Variants in MCF2L2 observed in about 807,000 individuals in gnomAD.
The protein encoded by MCF2L2 is probable guanine nucleotide exchange factor MCF2L2.
A neutral mutation model predicts 150.2 loss-of-function variants in MCF2L2; 102 were observed. The ratio of observed to expected loss-of-function variants is 0.68; its 90% CI spans 0.58 to 0.80. The LOEUF is 0.80. Among genes scored for constraint, MCF2L2 ranks in the 30% least tolerant of loss-of-function variants. The pLI, the probability that MCF2L2 is intolerant of heterozygous loss-of-function variation, is 0.00. For missense variants in MCF2L2, 1,256 were observed against 1,372.8 expected (o/e 0.91, Z 1.34); for synonymous variants, 465 against 491.3 (o/e 0.95, Z 0.71).
intron 2 of MCF2L2, among the ~76,000 whole-genome samples, chr3:183,386,316 T>A (rs1713827619): frequency 6.6e-6 from 1 of 152,230 alleles, no homozygotes; most frequent in Admixed American, 6.5e-5. Context: ...AAGTTCACTG[T>A]GAACATGCAG....
chr3:183,297,344 G>C, intron 11 of MCF2L2, 177 bp from the exon 12 acceptor site: 1 of 586,342 alleles, frequency 1.7e-6, no homozygotes. Flanking sequence ...CTATGAGGGG[G>C]ACAAACCCAA....
At chr3:183,320,639 G>C (rs773131546) in intron 6 of MCF2L2, among the ~76,000 whole-genome samples, 3 of 152,180 alleles carry the variant, frequency 2.0e-5, no homozygotes, top group Admixed American at 6.5e-5. Flanking sequence ...TGGGTGGTTT[G>C]ATCTTCTATC....
intron 22 of MCF2L2, among the ~76,000 whole-genome samples, chr3:183,212,253 T>A (rs1187571446): frequency 6.6e-6 from 1 of 152,166 alleles, no homozygotes; most frequent in Non-Finnish European, 1.5e-5. Context: ...GGGAATAAAT[T>A]TCTGTTGTTT....
chr3:183,358,916 C>G (rs1260089082), intron 3 of MCF2L2, among the ~76,000 whole-genome samples: 2 of 152,006 alleles, frequency 1.3e-5, no homozygotes, highest in Non-Finnish European at 2.9e-5. Context: ...TACTACCATG[C>G]CTGGCCCAGA....
chr3:183,185,638 C>T (rs1721667064), intron 27 of MCF2L2, among the ~76,000 whole-genome samples: 2 of 152,186 alleles, frequency 1.3e-5, no homozygotes, highest in Admixed American at 1.3e-4. Context: ...GGATTTAATA[C>T]ATGGTGTCAC....
intron 3 of MCF2L2, 121 bp from the exon 4 acceptor site, chr3:183,341,751 G>T: frequency 1.5e-6 from 1 of 664,070 alleles, no homozygotes; most frequent in Non-Finnish European, 2.7e-6. Context: ...TAAACACCCT[G>T]CACAGCACAA....
At chr3:183,348,084 A>C (rs1045414113) in intron 3 of MCF2L2, among the ~76,000 whole-genome samples, 1 of 152,316 alleles carries the variant, frequency 6.6e-6, no homozygotes, top group East Asian at 1.9e-4. Context: ...TCATTCTACT[A>C]TAAAGACACA....
At chr3:183,220,155 A>C (rs992084793) in intron 20 of MCF2L2, among the ~76,000 whole-genome samples, 3 of 152,228 alleles carry the variant, frequency 2.0e-5, no homozygotes, top group Non-Finnish European at 2.9e-5. Context: ...TTCTCATTCA[A>C]CCATACCTCA....
In MCF2L2 at chr3:183,323,258, C is replaced by A. The variant is rs995431665; in HGVS notation, c.580G>T (p.Gly194Cys). The A allele has an allele frequency of 1.9e-6, 3 of 1,612,608 alleles. No homozygotes were observed. Among genetic ancestry groups the A allele is most frequent in the South Asian group, 2.2e-5 (2 of 90,988 alleles). The change falls in exon 6 of 30, where the codon GGT becomes TGT. Residue 194 changes from glycine to cysteine, a missense_variant. By Grantham distance (159) the Gly-to-Cys change is radical. Coordinates refer to ENST00000328913, the MANE Select transcript of MCF2L2 (RefSeq NM_015078.4). ...ELGGTLEYRH[G>C]QWVNHRTAIE... ...ACAGTGCGGTGATTTACCCACTGAC[C>A]GTGGCGATATTCCAAAGTCCCCCCT...
At position 183,311,033 on chromosome 3, in the gene MCF2L2, T is replaced by G; in HGVS notation, c.879-4A>C. The G allele has an allele frequency of 6.4e-7, 1 of 1,574,152 alleles. No homozygotes were observed. Among genetic ancestry groups the G allele is most frequent in the South Asian group, 1.1e-5 (1 of 90,214 alleles). On this transcript the variant is annotated splice_region_variant and splice_polypyrimidine_tract_variant and intron_variant, in intron 8 of 29. Transcript: ENST00000328913. Reference sequence around the variant, plus strand: ...TTCATCCAGTTGAACTAATAACCTTTCAAGAAAGAATGAGAAAGTGATGTT... The same window carrying G: ...TTCATCCAGTTGAACTAATAACCTTGCAAGAAAGAATGAGAAAGTGATGTT...
chr3:183,180,389 G>C (rs1442075261), intron 27 of MCF2L2: 7 of 468,942 alleles, frequency 1.5e-5, no homozygotes, highest in Non-Finnish European at 2.6e-5. Context: ...TCCACATGCT[G>C]TTCATGGCCC....
Position 183,246,172 on chromosome 3 carries a change from G to A in MCF2L2, c.1863-15155C>T, listed in dbSNP as rs1315499085. ...TGTATGGCATTTTAGGTATTATAAA[G>A]TTTTTTTTAATTGTGGTAAGATATG... On this transcript the variant is annotated intron_variant, in intron 15 of 29. Transcript: ENST00000328913. Among the ~76,000 whole-genome samples, 3 of 151,962 alleles carry A rather than the reference G, an allele frequency of 2.0e-5. No homozygotes were observed. The East Asian group carries it at 5.8e-4, about 29-fold the overall frequency.
intron 1 of MCF2L2, among the ~76,000 whole-genome samples, chr3:183,391,584 T>G (rs1396176555): frequency 6.6e-6 from 1 of 152,140 alleles, no homozygotes; most frequent in African/African-American, 2.4e-5. Flanking sequence ...ACTCCAGCAC[T>G]CCCCTTCACT....
chr3:183,264,661 A>G (rs1725928460), intron 15 of MCF2L2, among the ~76,000 whole-genome samples: 1 of 152,202 alleles, frequency 6.6e-6, no homozygotes, highest in South Asian at 2.1e-4. Flanking sequence ...TTCAAAACGG[A>G]TAGCAGGTTT....
intron 3 of MCF2L2, chr3:183,376,580 C>T (rs191425496): frequency 6.6e-6 from 1 of 152,190 alleles, no homozygotes; most frequent in Non-Finnish European, 1.5e-5. Context: ...CCGTCAGGGT[C>T]CCCCTTCTCA....
chr3:183,269,637 G>T (rs1726546762), intron 15 of MCF2L2: 1 of 625,504 alleles, frequency 1.6e-6, no homozygotes, highest in Non-Finnish European at 2.6e-6. Context: ...TCAGAAAAAT[G>T]GGACTAAAAG....
chr3:183,268,731 C>A (rs922386050), intron 15 of MCF2L2, among the ~76,000 whole-genome samples: 1 of 152,136 alleles, frequency 6.6e-6, no homozygotes, highest in African/African-American at 2.4e-5. Context: ...AACGGTCTTA[C>A]CCCAATTTGT....
intron 10 of MCF2L2, among the ~76,000 whole-genome samples, chr3:183,306,004 TCTAA>T (rs766927984): frequency 6.6e-5 from 10 of 152,176 alleles, no homozygotes; most frequent in Non-Finnish European, 1.3e-4. Flanking sequence ...CTACCACACA[TCTAA>T]CTCATTTAAT....
Position 183,343,405 on chromosome 3 carries a change from T to G in MCF2L2, c.276-1775A>C, listed in dbSNP as rs555975293. Reference sequence around the variant, plus strand: ...TTTTTTTTTGAGACGGAGTCTCACTTTGTCACCCAGGCTGGAGTGTAGTGG... The same window carrying G: ...TTTTTTTTTGAGACGGAGTCTCACTGTGTCACCCAGGCTGGAGTGTAGTGG... On this transcript the variant is annotated intron_variant, in intron 3 of 29. Transcript: ENST00000328913. Among the ~76,000 whole-genome samples the G allele has an allele frequency of 3.3e-5, 5 of 151,730 alleles. No individual in the cohort carries two copies. In the South Asian group the frequency reaches 1.0e-3, roughly 32 times the overall value.
Sources: allele counts gnomAD v4.1 joint callset (sites outside exome capture counted in the v4.1 genomes callset), GRCh38; gene constraint gnomAD v4.1.1; transcripts MANE v1.5; gene names NCBI Gene and HGNC (gene_info 2026-07-23, HGNC 2026-07-21).